The following RICTOR variants were observed in gnomAD, a reference collection of about 807,000 sequenced individuals.
The protein encoded by RICTOR is RPTOR independent companion of MTOR complex 2.
In RICTOR, 49 loss-of-function variants were observed where a neutral mutation model predicts 214.9. The observed-to-expected ratio is 0.23, with a 90% confidence interval of 0.18 to 0.29. The LOEUF is 0.29. RICTOR is among the 10% of genes least tolerant of loss of function. RICTOR has a pLI of 1.00. For missense variants in RICTOR, 1,625 were observed against 2,047.0 expected, an observed-to-expected ratio of 0.79 and a Z score of 3.98; for synonymous variants, 717 against 711.3, an observed-to-expected ratio of 1.01 and a Z score of -0.13.
chr5:39,068,828 G>C (rs1198697373), intron 2 of RICTOR, among the ~76,000 whole-genome samples: 1 of 152,158 alleles, frequency 6.6e-6, no homozygotes, highest in Non-Finnish European at 1.5e-5. Flanking sequence ...GAGGATGGCG[G>C]AAATACCTAG....
chr5:39,073,136 T>C (rs1402884729), intron 2 of RICTOR, among the ~76,000 whole-genome samples: 1 of 152,246 alleles, frequency 6.6e-6, no homozygotes, highest in Non-Finnish European at 1.5e-5. Flanking sequence ...ACAAGTTTTT[T>C]TGTTTACTTC....
intron 34 of RICTOR, 155 bp downstream of exon 34, chr5:38,945,336 C>A: frequency 3.2e-6 from 2 of 624,486 alleles, no homozygotes; most frequent in Non-Finnish European, 5.6e-6. Flanking sequence ...GTGAGAGGAT[C>A]AGCATCTCAG....
chr5:38,967,582 T>C (rs1321760087), intron 12 of RICTOR, among the ~76,000 whole-genome samples, 155 bp from the exon 13 acceptor site: 2 of 152,200 alleles, frequency 1.3e-5, no homozygotes, highest in African/African-American at 4.8e-5. Flanking sequence ...ATTAGTTATG[T>C]AAATACACGC....
Position 38,967,331 on chromosome 5 carries a change from T to G in RICTOR, c.1151+6A>C, listed in dbSNP as rs1250883661. On this transcript the variant is annotated splice_donor_region_variant and intron_variant, in intron 13 of 37. Coordinates refer to ENST00000357387, the MANE Select transcript of RICTOR (RefSeq NM_152756.5). ...AAATTGAAACCCTTTTTATTTTAAA[T>G]TCTACCTGGATCTGGCACGATGAGG... is the stretch of plus-strand genomic sequence containing the variant. 1.2e-6 allele frequency: 2 copies of G among 1,611,492 alleles called. No homozygotes were observed. Among genetic ancestry groups the G allele is most frequent in the Non-Finnish European group, 1.7e-6 (2 of 1,178,340 alleles).
At chr5:39,038,641 T>C (rs571802631) in intron 2 of RICTOR, among the ~76,000 whole-genome samples, 2 of 152,320 alleles carry the variant, frequency 1.3e-5, no homozygotes, top group East Asian at 3.9e-4. Flanking sequence ...ACAAAATCAA[T>C]GTGCAAAAAT....
At chr5:38,994,499 C>T (rs1753032820) in intron 6 of RICTOR, among the ~76,000 whole-genome samples, 1 of 141,012 alleles carries the variant, frequency 7.1e-6, no homozygotes, top group Non-Finnish European at 1.5e-5. Flanking sequence ...TTTCTCTGGC[C>T]GATAGAGGCC....
At chr5:39,037,304 A>G (rs1182480247) in intron 2 of RICTOR, among the ~76,000 whole-genome samples, 2 of 152,176 alleles carry the variant, frequency 1.3e-5, no homozygotes, top group African/African-American at 4.8e-5. Flanking sequence ...AATCTCTGGG[A>G]CACATTCAAA....
rs570077550 is a variant in RICTOR, at chr5:38,939,406, T to C, written c.*2898A>G. 1 of 232,356 alleles carries C rather than the reference T, an allele frequency of 4.3e-6. No individual in the cohort carries two copies. Among genetic ancestry groups the C allele is most frequent in the East Asian group, 6.1e-5 (1 of 16,356 alleles). 14.4% of individuals were successfully genotyped at this position (232,356 alleles called of 1,614,324 possible). On this transcript the variant is annotated 3_prime_UTR_variant, in exon 38 of 38. Coordinates refer to ENST00000357387, the MANE Select transcript of RICTOR (RefSeq NM_152756.5). Reference sequence around the variant, plus strand: ...ATGTCACTGTCATATAGAATGTCCATATTCTACTAATCGTTATTAGAAAAA... The same window carrying C: ...ATGTCACTGTCATATAGAATGTCCACATTCTACTAATCGTTATTAGAAAAA...
chr5:38,942,452 ATTTTT>A, intron 37 of RICTOR, 74 bp from the exon 38 acceptor site: 1 of 564,332 alleles, frequency 1.8e-6, no homozygotes, highest in South Asian at 4.2e-5. Context: ...TAAATATCTA[ATTTTT>A]TTTTTTTTTT....
intron 21 of RICTOR, 160 bp from the exon 22 acceptor site, chr5:38,959,481 G>A (rs2150016495): frequency 1.7e-6 from 1 of 588,298 alleles, no homozygotes; most frequent in East Asian, 2.8e-5. Flanking sequence ...ACATTGTGAA[G>A]ATTACCACAA....
chr5:38,962,975 A>T lies in RICTOR; in HGVS notation c.1467T>A (p.Pro489=), dbSNP rs1270689739. ...FHEMKKRGPK[P]YSLHLDHIIQ... ...TAATGTGGTCTAAATGAAGACTATA[A>T]GGCTTAGGTCCTCGTTTCTTCATTT... Residue 489 remains proline, a synonymous_variant, in exon 17 of 38, where the codon CCT becomes CCA. Coordinates refer to ENST00000357387, the MANE Select transcript of RICTOR (RefSeq NM_152756.5). 6 of 1,612,570 alleles carry T rather than the reference A, an allele frequency of 3.7e-6. No homozygotes were observed. The South Asian group carries it at 6.6e-5, about 18-fold the overall frequency.
At chr5:39,025,011 A>T (rs1331260833) in intron 2 of RICTOR, among the ~76,000 whole-genome samples, 1 of 152,186 alleles carries the variant, frequency 6.6e-6, no homozygotes, top group Non-Finnish European at 1.5e-5. Context: ...ACTGATTACA[A>T]CAACAACAAA....
chr5:38,997,330 C>T (rs1753254020), intron 5 of RICTOR, among the ~76,000 whole-genome samples: 1 of 152,086 alleles, frequency 6.6e-6, no homozygotes, highest in African/African-American at 2.4e-5. Context: ...TCTATCTTAC[C>T]AAAATATAAT....
intron 7 of RICTOR, among the ~76,000 whole-genome samples, chr5:38,986,982 CAT>C (rs1752221407): frequency 6.6e-6 from 1 of 152,230 alleles, no homozygotes; most frequent in Admixed American, 6.5e-5. Flanking sequence ...TTGAGGTAAT[CAT>C]GTGGATTTTG....
intron 2 of RICTOR, among the ~76,000 whole-genome samples, chr5:39,069,452 T>G (rs1455371979): frequency 6.6e-6 from 1 of 152,134 alleles, no homozygotes; most frequent in African/African-American, 2.4e-5. Context: ...GAAACAGTAT[T>G]AGAAGCATAA....
At chr5:38,952,669 G>A (rs966531347) in intron 29 of RICTOR, among the ~76,000 whole-genome samples, 2 of 151,776 alleles carry the variant, frequency 1.3e-5, no homozygotes, top group African/African-American at 4.8e-5. Context: ...AATGCAACAT[G>A]AGCAAAAAAG....
In RICTOR at chr5:38,952,296, T is replaced by C; in HGVS notation, c.3027A>G (p.Glu1009=). The C allele has an allele frequency of 6.2e-7, 1 of 1,613,014 alleles. No homozygotes were observed. Among genetic ancestry groups the C allele is most frequent in the Non-Finnish European group, 8.5e-7 (1 of 1,179,236 alleles). ...HLWPVVPDDV[E]QLCNELSSIP... is the part of the protein sequence containing the mutation. ...TAGATGAAAGTTCATTACAGAGTTG[T>C]TCCACATCATCTGGAACCACTGGCC... The change falls in exon 30 of 38, where the codon GAA becomes GAG. Residue 1009 remains glutamate, a synonymous_variant. Coordinates refer to ENST00000357387, the MANE Select transcript of RICTOR (RefSeq NM_152756.5).
chr5:39,064,482 T>C (rs1482666572), intron 2 of RICTOR, among the ~76,000 whole-genome samples: 1 of 152,210 alleles, frequency 6.6e-6, no homozygotes, highest in African/African-American at 2.4e-5. Context: ...TTAGATTATA[T>C]ATTTAGCATT....
At chr5:39,005,058 G>A (rs1006213299) in intron 3 of RICTOR, among the ~76,000 whole-genome samples, 19 of 152,038 alleles carry the variant, frequency 1.2e-4, no homozygotes, top group Admixed American at 9.8e-4. Flanking sequence ...TGGGATTATG[G>A]GCATGAGCCA....
Sources: gnomAD v4.1 joint callset for allele counts (sites outside exome capture counted in the v4.1 genomes callset) on GRCh38, gnomAD v4.1.1 for gene constraint, MANE v1.5 for transcripts, NCBI Gene and HGNC (gene_info 2026-07-23, HGNC 2026-07-21) for gene names.